ADAMTS6: variants seen among roughly 807,000 people sequenced by gnomAD.
ADAMTS6 encodes A disintegrin and metalloproteinase with thrombospondin motifs 6.
In ADAMTS6, 23 loss-of-function variants were observed where a neutral mutation model predicts 144.3. The observed-to-expected ratio is 0.16, with a 90% CI of 0.11 to 0.23. The LOEUF is 0.23. Ranked by LOEUF, ADAMTS6 falls within the 10% of genes least tolerant of loss-of-function variation. The pLI is 1.00. For missense variants in ADAMTS6, 999 were observed against 1,379.6 expected (o/e 0.72, Z 4.37); for synonymous variants, 444 against 457.5 (o/e 0.97, Z 0.38).
chr5:65,325,476 A>G (rs1026424842), intron 9 of ADAMTS6, among the ~76,000 whole-genome samples: 6 of 151,442 alleles, frequency 4.0e-5, no homozygotes, highest in African/African-American at 1.5e-4. Flanking sequence ...ATATATCCCT[A>G]TAGCTTTCAA....
intron 7 of ADAMTS6, among the ~76,000 whole-genome samples, chr5:65,420,880 T>C (rs1042256152): frequency 2.0e-5 from 3 of 151,914 alleles, no homozygotes; most frequent in Admixed American, 1.3e-4. Flanking sequence ...TGGATAATTA[T>C]AGGAAGAAAA....
At chr5:65,445,424 G>A (rs184653260) in intron 7 of ADAMTS6, among the ~76,000 whole-genome samples, 15 of 152,252 alleles carry the variant, frequency 9.9e-5, no homozygotes, top group African/African-American at 2.9e-4. Flanking sequence ...TGCAATCTCC[G>A]CCTCTCGGGT....
intron 11 of ADAMTS6, among the ~76,000 whole-genome samples, chr5:65,281,426 A>T: frequency 6.6e-6 from 1 of 152,294 alleles, no homozygotes. Flanking sequence ...ACTATTATAT[A>T]CTAATTTATA....
chr5:65,174,175 A>C (rs1360545868), intron 22 of ADAMTS6, among the ~76,000 whole-genome samples: 1 of 152,216 alleles, frequency 6.6e-6, no homozygotes, highest in African/African-American at 2.4e-5. Context: ...AAAATGAATG[A>C]AATAGGAGCT....
rs145837473 is a variant in ADAMTS6 at position 65,442,627 on chromosome 5, T to C, written c.1073+8848A>G. On this transcript the variant is annotated intron_variant, in intron 7 of 24. Transcript: ENST00000381055. ...TACAGAACAACATCCCTCATAAATATAAATCTAAAAAAAAAATACAATTTT... is the reference window on the plus strand; with the variant it reads ...TACAGAACAACATCCCTCATAAATACAAATCTAAAAAAAAAATACAATTTT... Among the ~76,000 whole-genome samples, 104 of 152,164 alleles carry C rather than the reference T, an allele frequency of 6.8e-4. 2 individuals are homozygous for C. The East Asian group carries it at 0.018, about 27-fold the overall frequency.
intron 22 of ADAMTS6, among the ~76,000 whole-genome samples, chr5:65,173,784 G>A (rs1753769129): frequency 6.6e-6 from 1 of 152,052 alleles, no homozygotes; most frequent in Non-Finnish European, 1.5e-5. Flanking sequence ...CAGCACTTTG[G>A]GAGGCCGAGG....
intron 7 of ADAMTS6, among the ~76,000 whole-genome samples, chr5:65,413,189 C>T (rs1249561963): frequency 6.6e-6 from 1 of 152,118 alleles, no homozygotes; most frequent in Non-Finnish European, 1.5e-5. Context: ...GCTCAGCGGG[C>T]CACCTTCTCA....
At chr5:65,238,765 A>C (rs1007262408) in intron 15 of ADAMTS6, among the ~76,000 whole-genome samples, 7 of 152,230 alleles carry the variant, frequency 4.6e-5, no homozygotes, top group Admixed American at 1.3e-4. Context: ...ACTTAAAGGA[A>C]AAACATAGCT....
At chr5:65,457,960 C>A (rs245523) in intron 4 of ADAMTS6, among the ~76,000 whole-genome samples, 7 of 151,282 alleles carry the variant, frequency 4.6e-5, no homozygotes, top group African/African-American at 1.7e-4. Flanking sequence ...CTCCTGACCT[C>A]GTGATCCGCC....
In ADAMTS6 at chr5:65,345,664, A is replaced by T. The variant is rs575565952; in HGVS notation, c.1074-11579T>A. The stretch of plus-strand genomic sequence containing the variant: ...GTTACCAGAATAAGAAAGTGTTTTC[A>T]TTCTTTTACACCATTGGAGTACAAT... On this transcript the variant is annotated intron_variant, in intron 7 of 24. Coordinates refer to ENST00000381055, the MANE Select transcript of ADAMTS6 (RefSeq NM_197941.4). Among the ~76,000 whole-genome samples the T allele has an allele frequency of 1.4e-4, 21 of 151,966 alleles. 1 individual carries two copies. The South Asian group carries it at 4.1e-3, about 30-fold the overall frequency.
At chr5:65,377,778 T>C (rs1407014463) in intron 7 of ADAMTS6, among the ~76,000 whole-genome samples, 2 of 152,160 alleles carry the variant, frequency 1.3e-5, no homozygotes, top group African/African-American at 4.8e-5. Flanking sequence ...GTACCACAAA[T>C]TGGCTAGCTT....
chr5:65,372,369 G>C (rs1182124628), intron 7 of ADAMTS6, among the ~76,000 whole-genome samples: 3 of 151,942 alleles, frequency 2.0e-5, no homozygotes, highest in African/African-American at 7.3e-5. Context: ...CCCATCTCAC[G>C]TGCAGAGGCA....
chr5:65,289,438 G>C (rs1041750735), intron 11 of ADAMTS6, among the ~76,000 whole-genome samples: 4 of 152,048 alleles, frequency 2.6e-5, no homozygotes, highest in South Asian at 2.1e-4. Flanking sequence ...AGGCTGAGGT[G>C]AGAGAATAAC....
At chr5:65,180,703 T>TA (rs1754293799) in intron 22 of ADAMTS6, among the ~76,000 whole-genome samples, 1 of 140,120 alleles carries the variant, frequency 7.1e-6, no homozygotes, top group Non-Finnish European at 1.5e-5. Context: ...GCATTTTGAT[T>TA]TAAAAAAAAA....
rs188273289 is a variant in ADAMTS6, at chr5:65,445,977, C to T, written c.1073+5498G>A. ...ATCTCAAACAATTCAGAAAAAGCAG[C>T]GTGGTAAGAGAAAAATAAATGCTTC... On this transcript the variant is annotated intron_variant, in intron 7 of 24. Transcript: ENST00000381055. Among the ~76,000 whole-genome samples the T allele has an allele frequency of 2.2e-4, 34 of 152,174 alleles. No homozygotes were observed. The East Asian group carries it at 3.1e-3, about 14-fold the overall frequency.
At chr5:65,439,726 A>G (rs569669002) in intron 7 of ADAMTS6, among the ~76,000 whole-genome samples, 8 of 152,312 alleles carry the variant, frequency 5.3e-5, no homozygotes, top group African/African-American at 1.7e-4. Context: ...TGAACTGAAG[A>G]TTAAATAATA....
At chr5:65,203,470 T>C (rs1433396979) in intron 20 of ADAMTS6, among the ~76,000 whole-genome samples, 3 of 152,210 alleles carry the variant, frequency 2.0e-5, no homozygotes, top group Non-Finnish European at 4.4e-5. Context: ...GGTATTTTAT[T>C]TAAATTTTAG....
Position 65,172,882 on chromosome 5 carries a change from T to G in ADAMTS6, c.3037A>C (p.Ser1013Arg). Residue 1013 changes from serine to arginine, a missense_variant, in exon 23 of 25, where the codon AGT (serine) becomes CGT (arginine). Transcript: ENST00000381055. Reference sequence around the variant, plus strand: ...CGAGGAGGAGGGCAGCGGCCCAAACTGCAGCGGATGCGGACAGGAGGTTTG... The same window carrying G: ...CGAGGAGGAGGGCAGCGGCCCAAACGGCAGCGGATGCGGACAGGAGGTTTG... ...ESKPPVRIRC[S>R]LGRCPPPRWV... The G allele has an allele frequency of 6.2e-7, 1 of 1,614,254 alleles. No homozygotes were observed. Among genetic ancestry groups the G allele is most frequent in the Non-Finnish European group, 8.5e-7 (1 of 1,180,042 alleles).
chr5:65,248,509 T>C (rs987999702), intron 14 of ADAMTS6, among the ~76,000 whole-genome samples: 1 of 152,036 alleles, frequency 6.6e-6, no homozygotes, highest in African/African-American at 2.4e-5. Context: ...ATAAACACAT[T>C]AAAAAACAGG....
Sources: gnomAD v4.1 joint callset for allele counts (sites outside exome capture counted in the v4.1 genomes callset) on GRCh38, gnomAD v4.1.1 for gene constraint, MANE v1.5 for transcripts, NCBI Gene and HGNC (gene_info 2026-07-23, HGNC 2026-07-21) for gene names.